Variants in PRKAR1A observed in about 807,000 individuals in gnomAD.
PRKAR1A encodes cAMP-dependent protein kinase type I-alpha regulatory subunit.
Under a neutral mutation model 52.0 loss-of-function variants are expected in PRKAR1A, and 3 were observed. The ratio of observed to expected loss-of-function variants is 0.06; its 90% CI spans 0.03 to 0.15. The LOEUF (loss-of-function observed/expected upper bound fraction) is 0.15, where lower values mean the gene tolerates loss of function less well. Ranked by LOEUF, PRKAR1A falls within the 10% of genes least tolerant of loss-of-function variation. The pLI, the probability that PRKAR1A is intolerant of heterozygous loss-of-function variation, is 1.00. For missense variants in PRKAR1A, 240 were observed against 477.4 expected, an observed-to-expected ratio of 0.50 and a Z score of 4.63; for synonymous variants, 188 against 168.4, an observed-to-expected ratio of 1.12 and a Z score of -0.90.
chr17:68,435,538 A>G, the PRKAR1A span: 1 of 1,344,100 alleles, frequency 7.4e-7, no homozygotes. Flanking sequence ...TCATGTCACC[A>G]GGTTTGTTCA....
the PRKAR1A span, among the ~76,000 whole-genome samples, chr17:68,415,471 C>T: frequency 1.3e-5 from 2 of 152,190 alleles, no homozygotes; most frequent in African/African-American, 4.8e-5. Flanking sequence ...GTTCCATGCA[C>T]TACTGAATAG....
At chr17:68,542,649 T>C in intron 11 of PRKAR1A, 2 of 1,468,224 alleles carry the variant, frequency 1.4e-6, no homozygotes, top group Non-Finnish European at 9.5e-7. Context: ...CACTCTGGCT[T>C]ACGATCTACT....
At chr17:68,457,719 G>T in the PRKAR1A span, among the ~76,000 whole-genome samples, 1 of 152,080 alleles carries the variant, frequency 6.6e-6, no homozygotes, top group Non-Finnish European at 1.5e-5. Flanking sequence ...AGCCACGGCT[G>T]GCGGGCACCG....
chr17:68,417,733 A>ATTTTTTTTTTTTT, the PRKAR1A span, among the ~76,000 whole-genome samples: 28 of 60,832 alleles, frequency 4.6e-4, 6 homozygotes, highest in African/African-American at 6.2e-4. Context: ...GAGTTGCTGA[A>ATTTTTTTTTTTTT]TTTTTTTTTT....
chr17:68,456,263 T>G, the PRKAR1A span, among the ~76,000 whole-genome samples: 6 of 152,188 alleles, frequency 3.9e-5, no homozygotes, highest in Admixed American at 3.3e-4. Flanking sequence ...CACCGGGTGT[T>G]TTTAAACAGA....
At chr17:68,496,818 C>CTT in the PRKAR1A span, among the ~76,000 whole-genome samples, 26,647 of 89,574 alleles carry the variant, frequency 0.3, 5,613 homozygotes, top group East Asian at 0.43. Flanking sequence ...TTAGTTTTTA[C>CTT]TTTTTTTTTT....
intron 5 of PRKAR1A, 157 bp downstream of exon 5, chr17:68,524,234 G>C (rs2085712221): frequency 3.0e-6 from 2 of 677,130 alleles, no homozygotes; most frequent in Non-Finnish European, 5.0e-6. Context: ...TTTAAATTAA[G>C]ATTTTCTGAG....
At chr17:68,509,681 C>T (rs2085237493), upstream of PRKAR1A, among the ~76,000 whole-genome samples, 1 of 152,162 alleles carries the variant, frequency 6.6e-6, no homozygotes, top group African/African-American at 2.4e-5. Context: ...GGCACAGTGG[C>T]ACTGAAAGAA....
At chr17:68,490,220 G>A in the PRKAR1A span, among the ~76,000 whole-genome samples, 1 of 152,338 alleles carries the variant, frequency 6.6e-6, no homozygotes, top group Middle Eastern at 3.4e-3. Flanking sequence ...TGGCCCTCTG[G>A]GCAGTCCCAT....
At chr17:68,528,512 A>G (rs1423651244) in intron 8 of PRKAR1A, 2 of 235,464 alleles carry the variant, frequency 8.5e-6, no homozygotes, top group Non-Finnish European at 1.7e-5. Flanking sequence ...CTTTGGAACG[A>G]TATGGATGGG....
In PRKAR1A at chr17:68,551,136, C is replaced by G. The variant is rs567533213; in HGVS notation, c.*12C>G. ...TTCCCCTGGGCTAAGGCACTGGGGC[C>G]GAACTCTAGGAGACCCTAACCTGTG... On this transcript the variant is annotated 3_prime_UTR_variant, in exon 12 of 12. Transcript: ENST00000585981. The G allele has an allele frequency of 1.6e-4, 193 of 1,233,826 alleles. 3 individuals are homozygous for G. The South Asian group carries it at 2.0e-3, about 13-fold the overall frequency. 76.4% of individuals were successfully genotyped at this position (1,233,826 alleles called of 1,614,324 possible).
At chr17:68,480,150 A>G in the PRKAR1A span, among the ~76,000 whole-genome samples, 2 of 152,380 alleles carry the variant, frequency 1.3e-5, no homozygotes, top group East Asian at 1.9e-4. Flanking sequence ...AAAAAAATAT[A>G]GCAGTTCTTT....
At chr17:68,422,718 G>GTCTCA in the PRKAR1A span, 1 of 108,708 alleles carries the variant, frequency 9.2e-6, no homozygotes, top group Non-Finnish European at 1.7e-5. Context: ...GACAGAGTGA[G>GTCTCA]ACTCTATCAT....
At chr17:68,421,163 G>A in the PRKAR1A span, 40 of 155,328 alleles carry the variant, frequency 2.6e-4, no homozygotes, top group African/African-American at 9.4e-4. Context: ...TAAGTCTGTG[G>A]CCCAATCCCC....
the PRKAR1A span, chr17:68,434,519 C>T: frequency 3.2e-5 from 52 of 1,610,266 alleles, no homozygotes; most frequent in African/African-American, 1.5e-4. Flanking sequence ...GGGACTTCTG[C>T]GGGGACTTTA....
intron 2 of PRKAR1A, 145 bp downstream of exon 2, chr17:68,515,721 T>G: frequency 2.0e-6 from 2 of 1,023,970 alleles, no homozygotes; most frequent in South Asian, 3.1e-5. Context: ...GAAATACAGT[T>G]AAGGCATTTG....
chr17:68,463,474 A>T, the PRKAR1A span, among the ~76,000 whole-genome samples: 1 of 152,166 alleles, frequency 6.6e-6, no homozygotes, highest in African/African-American at 2.4e-5. Context: ...GGTTCTAGGG[A>T]TATGACGCTG....
the PRKAR1A span, among the ~76,000 whole-genome samples, chr17:68,506,449 C>T: frequency 1.6e-3 from 221 of 141,458 alleles, 3 homozygotes; most frequent in Non-Finnish European, 3.0e-3. Flanking sequence ...ATTGAAAGAA[C>T]TCATGTTATT....
At chr17:68,520,026 G>A (rs1268506429) in intron 2 of PRKAR1A, among the ~76,000 whole-genome samples, 2 of 152,314 alleles carry the variant, frequency 1.3e-5, no homozygotes, top group Admixed American at 6.5e-5. Flanking sequence ...GACCAGTCAT[G>A]TGCAGTTCTT....
Sources: gnomAD v4.1 joint callset for allele counts (sites outside exome capture counted in the v4.1 genomes callset) on GRCh38, gnomAD v4.1.1 for gene constraint, MANE v1.5 for transcripts, NCBI Gene and HGNC (gene_info 2026-07-23, HGNC 2026-07-21) for gene names.